EXOSC10: variants seen among roughly 807,000 people sequenced by gnomAD.
The protein encoded by EXOSC10 is exosome component 10, also known as exosome complex component 10.
In EXOSC10, 94 loss-of-function variants were observed where a neutral mutation model predicts 126.6. The ratio of observed to expected loss-of-function variants is 0.74; its 90% CI spans 0.63 to 0.88. The LOEUF (loss-of-function observed/expected upper bound fraction) is 0.88, where lower values mean the gene tolerates loss of function less well. EXOSC10 is among the 40% of genes least tolerant of loss of function. The probability of loss-of-function intolerance (pLI) is 0.00; values close to 1 mark genes in which losing one functional copy is unlikely to be tolerated. For synonymous variants in EXOSC10, 395 were observed against 400.8 expected, an observed-to-expected ratio of 0.99 and a Z score of 0.17; for missense variants, 1,041 against 1,100.5, an observed-to-expected ratio of 0.95 and a Z score of 0.77.
Position 11,098,099 on chromosome 1 carries a change from CA to C in EXOSC10, c.168del (p.Phe56LeufsTer29), listed in dbSNP as rs1357343217. 1.2e-6 allele frequency: 2 copies of C among 1,613,268 alleles called. No homozygotes were observed. Among genetic ancestry groups the C allele is most frequent in the East Asian group, 4.5e-5 (2 of 44,846 alleles). On this transcript the variant is annotated frameshift_variant, in exon 2 of 25. Coordinates refer to ENST00000376936, the MANE Select transcript of EXOSC10 (RefSeq NM_001001998.3). LOFTEE classifies it high-confidence loss of function. ...VTKASGGLPQ[F>X]GDEYDFYRSF... Reference sequence around the variant, plus strand: ...CTTCGGTAAAAATCATACTCATCGCCAAACTGTGGTAGGCCCCCAGATGCCT... The same window carrying C: ...CTTCGGTAAAAATCATACTCATCGCCAACTGTGGTAGGCCCCCAGATGCCT...
intron 17 of EXOSC10, 83 bp from the exon 18 acceptor site, chr1:11,074,409 A>C (rs1639698833): frequency 1.0e-6 from 1 of 996,486 alleles, no homozygotes; most frequent in Non-Finnish European, 1.5e-6. Flanking sequence ...AACAGTTAAC[A>C]GTGATTTTTT....
chr1:11,075,853 CAAAAAAAAAAAA>C (rs58667041), intron 17 of EXOSC10, among the ~76,000 whole-genome samples: 93 of 35,136 alleles, frequency 2.6e-3, no homozygotes, highest in Middle Eastern at 0.056. Context: ...GATCCTGTCA[CAAAAAAAAAAAA>C]AAAAAAAAAA....
At chr1:11,075,644 A>G (rs1394902108) in intron 17 of EXOSC10, among the ~76,000 whole-genome samples, 1 of 152,086 alleles carries the variant, frequency 6.6e-6, no homozygotes, top group Admixed American at 6.6e-5. Flanking sequence ...TTAAGTTAAA[A>G]ACCAAAGTGA....
intron 6 of EXOSC10, among the ~76,000 whole-genome samples, chr1:11,089,681 G>A (rs957986780): frequency 2.0e-5 from 3 of 151,732 alleles, no homozygotes; most frequent in Non-Finnish European, 4.4e-5. Context: ...GCTCTGGCCA[G>A]GCACAGTGGT....
chr1:11,088,014 T>C, intron 7 of EXOSC10, 104 bp from the exon 8 acceptor site: 1 of 1,250,900 alleles, frequency 8.0e-7, no homozygotes, highest in Non-Finnish European at 1.2e-6. Flanking sequence ...AACTGTAACT[T>C]TCTCCCTTAA....
chr1:11,095,575 G>A (rs1641034152), intron 3 of EXOSC10, 183 bp downstream of exon 3: 1 of 455,174 alleles, frequency 2.2e-6, no homozygotes, highest in Middle Eastern at 6.7e-4. Flanking sequence ...TTAGCCAGGT[G>A]TGGTGGCGGG....
Position 11,076,968 on chromosome 1 carries a change from TA to T in EXOSC10, c.1880-21del. Reference sequence around the variant, plus strand: ...CAGATCCTAGAGGAGCAGAAGATAGTAAGGTCAAAGCCTACAGAATTTTGTT... The same window carrying T: ...CAGATCCTAGAGGAGCAGAAGATAGTAGGTCAAAGCCTACAGAATTTTGTT... On this transcript the variant is annotated intron_variant, in intron 16 of 24. Transcript: ENST00000376936. 1 of 1,579,196 alleles carries T rather than the reference TA, an allele frequency of 6.3e-7. No individual in the cohort carries two copies. Among genetic ancestry groups the T allele is most frequent in the Non-Finnish European group, 8.7e-7 (1 of 1,149,194 alleles).
intron 1 of EXOSC10, 84 bp downstream of exon 1, chr1:11,099,637 G>A: frequency 2.9e-6 from 4 of 1,385,958 alleles, no homozygotes; most frequent in Non-Finnish European, 3.8e-6. Context: ...ACTACGGCGG[G>A]CGGGCATTGG....
At chr1:11,090,820 C>G (rs1640763662) in intron 5 of EXOSC10, 152 bp from the exon 6 acceptor site, 2 of 823,984 alleles carry the variant, frequency 2.4e-6, no homozygotes, top group Non-Finnish European at 1.9e-6. Flanking sequence ...GGCACAAGCA[C>G]AGCTCACTGT....
At chr1:11,074,781 T>C (rs12118762) in intron 17 of EXOSC10, among the ~76,000 whole-genome samples, 10,972 of 152,154 alleles carry the variant, frequency 0.072, 617 homozygotes, top group East Asian at 0.15. Context: ...ATGTATAAGG[T>C]GTTGTGTCTG....
intron 24 of EXOSC10, 98 bp downstream of exon 24, chr1:11,067,910 T>C (rs1639202571): frequency 1.9e-6 from 2 of 1,034,652 alleles, no homozygotes; most frequent in Non-Finnish European, 1.5e-6. Context: ...TGAAGACCCC[T>C]GGACACTCGC....
chr1:11,070,615 C>G (rs938620789), intron 21 of EXOSC10: 2 of 324,190 alleles, frequency 6.2e-6, no homozygotes, highest in East Asian at 5.3e-5. Flanking sequence ...GGACACACAA[C>G]AAGCTTCAGC....
intron 14 of EXOSC10, among the ~76,000 whole-genome samples, chr1:11,079,123 A>T: frequency 6.6e-6 from 1 of 151,992 alleles, no homozygotes; most frequent in East Asian, 2.0e-4. Flanking sequence ...TGAGGTCAGG[A>T]GTTCGAGACC....
intron 3 of EXOSC10, 63 bp from the exon 4 acceptor site, chr1:11,091,660 TA>T (rs1640813926): frequency 8.2e-7 from 1 of 1,219,636 alleles, no homozygotes; most frequent in African/African-American, 1.5e-5. Context: ...GTTAACTACC[TA>T]ACATTTTATT....
At chr1:11,092,481 A>G (rs914660301) in intron 3 of EXOSC10, among the ~76,000 whole-genome samples, 7 of 151,026 alleles carry the variant, frequency 4.6e-5, no homozygotes, top group African/African-American at 1.5e-4. Flanking sequence ...CCAAAGTGCT[A>G]GGATTACAGG....
intron 9 of EXOSC10, among the ~76,000 whole-genome samples, chr1:11,086,303 G>A (rs1244175040): frequency 1.3e-5 from 2 of 152,142 alleles, no homozygotes; most frequent in East Asian, 1.9e-4. Flanking sequence ...TTCAGCTCCT[G>A]TTATTGGTCT....
At chr1:11,099,166 A>C (rs1180700420) in intron 1 of EXOSC10, among the ~76,000 whole-genome samples, 1 of 152,250 alleles carries the variant, frequency 6.6e-6, no homozygotes, top group Admixed American at 6.5e-5. Flanking sequence ...ACGTTTGCTC[A>C]TATTTAAGCT....
At chr1:11,083,562 C>CAAAAAAAAAAAAAAAAAAAAAAAAA (rs35412224) in intron 9 of EXOSC10, among the ~76,000 whole-genome samples, 26 of 65,862 alleles carry the variant, frequency 3.9e-4, no homozygotes, top group Admixed American at 5.7e-4. Context: ...AACTCCGTCT[C>CAAAAAAAAAAAAAAAAAAAAAAAAA]AAAAAAAAAA....
chr1:11,066,842 A>AC, intron 24 of EXOSC10, 94 bp from the exon 25 acceptor site: 1 of 1,470,954 alleles, frequency 6.8e-7, no homozygotes, highest in Non-Finnish European at 9.5e-7. Flanking sequence ...ATCATGCAGA[A>AC]CAGAGGAAGA....
Sources: allele counts gnomAD v4.1 joint callset (sites outside exome capture counted in the v4.1 genomes callset), GRCh38; gene constraint gnomAD v4.1.1; transcripts MANE v1.5; gene names NCBI Gene and HGNC (gene_info 2026-07-23, HGNC 2026-07-21).